CD44: variants seen among roughly 807,000 people sequenced by gnomAD.
CD44 encodes CD44 molecule (IN blood group), also known as CD44 antigen.
A neutral mutation model predicts 88.8 loss-of-function variants in CD44; 49 were observed. That is an observed-to-expected ratio of 0.55 (90% CI 0.44 to 0.70). The LOEUF is 0.70. Ranked by LOEUF, CD44 falls within the 30% of genes least tolerant of loss-of-function variation. The pLI is 0.00. For missense variants in CD44, 883 were observed against 913.8 expected (o/e 0.97, Z 0.43); for synonymous variants, 325 against 312.3 (o/e 1.04, Z -0.43).
At chr11:35,181,876 A>T (rs1273792827) in intron 3 of CD44, among the ~76,000 whole-genome samples, 1 of 79,356 alleles carries the variant, frequency 1.3e-5, no homozygotes, top group East Asian at 2.5e-4. Context: ...TATATATATT[A>T]TATATAATTC....
intron 1 of CD44, among the ~76,000 whole-genome samples, chr11:35,158,617 A>T (rs1942209505): frequency 6.6e-6 from 1 of 152,234 alleles, no homozygotes; most frequent in East Asian, 1.9e-4. Context: ...TCCATTCACC[A>T]TTTGCCCCAA....
Position 35,179,003 on chromosome 11 carries a change from C to G in CD44, c.234-1271C>G, listed in dbSNP as rs915598708. ...TGCCCCACCCTGATTGGTAGCAACT[C>G]TTAGATATATGAAAACTTATTACCA... On this transcript the variant is annotated intron_variant, in intron 2 of 17. Transcript: ENST00000428726. Among the ~76,000 whole-genome samples, 3 of 152,278 alleles carry G rather than the reference C, an allele frequency of 2.0e-5. No homozygotes were observed. The East Asian group carries it at 5.8e-4, about 29-fold the overall frequency.
chr11:35,175,522 A>C (rs959868421), intron 1 of CD44, among the ~76,000 whole-genome samples: 3 of 152,228 alleles, frequency 2.0e-5, no homozygotes, highest in East Asian at 1.9e-4. Context: ...ACGTGTGTGC[A>C]TGTGTGCACG....
At chr11:35,189,347 C>T (rs1487138137) in intron 4 of CD44, among the ~76,000 whole-genome samples, 8 of 152,188 alleles carry the variant, frequency 5.3e-5, no homozygotes, top group African/African-American at 1.9e-4. Context: ...TGTATCTTCC[C>T]TGCTGAGGCT....
At chr11:35,185,530 G>T (rs575871208) in intron 3 of CD44, among the ~76,000 whole-genome samples, 1 of 152,270 alleles carries the variant, frequency 6.6e-6, no homozygotes, top group African/African-American at 2.4e-5. Context: ...TGTGATAACA[G>T]CCTTTCTTGT....
rs1472653089 is a variant in CD44, at chr11:35,206,245, T to C, written c.1414+2T>C. On this transcript the variant is annotated splice_donor_variant, in intron 11 of 17. Transcript: ENST00000428726. LOFTEE classifies it high-confidence loss of function. ...GTCATCAAGCAGGAAGAAGGATGGG[T>C]AATAGCCTCTGAGATTTTTATATAT... 4 of 1,593,238 alleles carry C rather than the reference T, an allele frequency of 2.5e-6. No homozygotes were observed. The highest frequency in any genetic ancestry group is 3.4e-6 in the Non-Finnish European group (4 of 1,173,190).
At chr11:35,228,462 A>G (rs1591369626) in intron 17 of CD44, among the ~76,000 whole-genome samples, 1 of 152,240 alleles carries the variant, frequency 6.6e-6, no homozygotes, top group Non-Finnish European at 1.5e-5. Flanking sequence ...ACTTTCTGGA[A>G]TATACAAATC....
At position 35,182,202 on chromosome 11, in the gene CD44, T is replaced by TA. The variant is rs1334700730; in HGVS notation, c.367+1803dup. Among the ~76,000 whole-genome samples the TA allele has an allele frequency of 1.1e-4, 16 of 150,402 alleles. No individual in the cohort carries two copies. The East Asian group carries it at 2.1e-3, about 20-fold the overall frequency. On this transcript the variant is annotated intron_variant, in intron 3 of 17. Transcript: ENST00000428726. ...ATGAGATCTTTCTTCTACTCACTAC[T>TA]AAAAAAAACCCAAAAATTAAAATTA...
chr11:35,177,512 C>T (rs1310044815), intron 2 of CD44, among the ~76,000 whole-genome samples: 3 of 152,230 alleles, frequency 2.0e-5, no homozygotes, highest in African/African-American at 7.2e-5. Flanking sequence ...TGCAACTGCT[C>T]TGAAGTTTCT....
intron 1 of CD44, among the ~76,000 whole-genome samples, chr11:35,140,285 G>A (rs1282394586): frequency 6.6e-6 from 1 of 152,180 alleles, no homozygotes; most frequent in African/African-American, 2.4e-5. Context: ...TTCTAGCACG[G>A]CTCAACTCCA....
At chr11:35,205,320 AT>A (rs1169323388) in intron 10 of CD44, among the ~76,000 whole-genome samples, 1 of 152,204 alleles carries the variant, frequency 6.6e-6, no homozygotes, top group Non-Finnish European at 1.5e-5. Context: ...CTTATAAAGA[AT>A]GTGAATTCCA....
intron 3 of CD44, among the ~76,000 whole-genome samples, chr11:35,184,175 A>C (rs1002799133): frequency 2.6e-5 from 4 of 152,190 alleles, no homozygotes; most frequent in African/African-American, 4.8e-5. Context: ...TGAGAGCATG[A>C]GTCTGTTAAT....
At chr11:35,190,374 G>T in intron 5 of CD44, 1 of 393,500 alleles carries the variant, frequency 2.5e-6, no homozygotes, top group Non-Finnish European at 4.6e-6. Flanking sequence ...AACAATTCAA[G>T]CCTGATATGA....
At chr11:35,223,292 AC>A in intron 17 of CD44, 1 of 985,204 alleles carries the variant, frequency 1.0e-6, no homozygotes, top group Non-Finnish European at 1.2e-6. Flanking sequence ...CCCTTGGATT[AC>A]TTTTGCTCAA....
intron 1 of CD44, among the ~76,000 whole-genome samples, chr11:35,172,151 T>C (rs1238388659): frequency 6.6e-6 from 1 of 152,200 alleles, no homozygotes; most frequent in Admixed American, 6.5e-5. Context: ...GGCTCTACAC[T>C]GGTCCACCTG....
At chr11:35,181,921 T>TAAATA (rs1554962209) in intron 3 of CD44, among the ~76,000 whole-genome samples, 1 of 68,188 alleles carries the variant, frequency 1.5e-5, no homozygotes, top group African/African-American at 6.5e-5. Context: ...ATATTATATA[T>TAAATA]TATATTATAT....
chr11:35,222,644 A>C, intron 17 of CD44: 1 of 798,506 alleles, frequency 1.3e-6, no homozygotes, highest in Non-Finnish European at 1.5e-6. Flanking sequence ...ACACAATAGT[A>C]ATTCTAGCAA....
chr11:35,150,398 C>T (rs78297030), intron 1 of CD44, among the ~76,000 whole-genome samples: 2,046 of 152,216 alleles, frequency 0.013, 47 homozygotes, highest in African/African-American at 0.047. Context: ...ACTGAGAGTC[C>T]TCCAGACCCC....
At chr11:35,156,681 A>G (rs1021926014) in intron 1 of CD44, among the ~76,000 whole-genome samples, 1 of 152,110 alleles carries the variant, frequency 6.6e-6, no homozygotes, top group Non-Finnish European at 1.5e-5. Context: ...TTCCCTTTCC[A>G]CTGAGCTTGG....
Sources: allele counts gnomAD v4.1 joint callset (sites outside exome capture counted in the v4.1 genomes callset), GRCh38; gene constraint gnomAD v4.1.1; transcripts MANE v1.5; gene names NCBI Gene and HGNC (gene_info 2026-07-23, HGNC 2026-07-21).